The following NFATC3 variants were observed in gnomAD, a reference collection of about 807,000 sequenced individuals.
The protein encoded by NFATC3 is nuclear factor of activated T cells 3.
NFATC3 carries 46 observed loss-of-function variants against 98.6 expected under a neutral mutation model. The ratio of observed to expected loss-of-function variants is 0.47; its 90% CI spans 0.37 to 0.60. NFATC3 has a LOEUF of 0.60. Ranked by LOEUF, NFATC3 falls within the 20% of genes least tolerant of loss-of-function variation. The pLI is 0.00. For missense variants in NFATC3, 1,256 were observed against 1,295.5 expected, an observed-to-expected ratio of 0.97 and a Z score of 0.47; for synonymous variants, 512 against 472.2, an observed-to-expected ratio of 1.08 and a Z score of -1.09.
At chr16:68,108,468 T>G (rs919547103) in intron 1 of NFATC3, among the ~76,000 whole-genome samples, 1 of 152,228 alleles carries the variant, frequency 6.6e-6, no homozygotes, top group African/African-American at 2.4e-5. Flanking sequence ...CATGCTGTTT[T>G]GGTTACTGTA....
intron 5 of NFATC3, among the ~76,000 whole-genome samples, chr16:68,168,471 TTTATTA>T (rs141377197): frequency 0.013 from 1,922 of 147,996 alleles, 41 homozygotes; most frequent in African/African-American, 0.045. Context: ...CTTGTATTCT[TTTATTA>T]TTATTATTAT....
chr16:68,138,871 G>C (rs1294115252), intron 3 of NFATC3: 1 of 1,018,788 alleles, frequency 9.8e-7, no homozygotes, highest in Admixed American at 4.0e-5. Flanking sequence ...TCTAGAGCCA[G>C]ACTGTTTTGG....
At position 68,122,708 on chromosome 16, in the gene NFATC3, G is replaced by A. The variant is rs535126493; in HGVS notation, c.825G>A (p.Arg275=). The A allele has an allele frequency of 1.9e-6, 3 of 1,614,186 alleles. No individual in the cohort carries two copies. Among genetic ancestry groups the A allele is most frequent in the East Asian group, 2.2e-5 (1 of 44,880 alleles). ...CCACATCCCCCTGTGGGAAACGGAG[G>A]CACTCCAGTGCTGAAGTTTGTTATG... ...SRPTSPCGKR[R]HSSAEVCYAG... Residue 275 remains arginine, a synonymous_variant, in exon 2 of 10, where the codon AGG becomes AGA. Coordinates refer to ENST00000346183, the MANE Select transcript of NFATC3 (RefSeq NM_173165.3).
intron 3 of NFATC3, among the ~76,000 whole-genome samples, chr16:68,150,611 C>T (rs748462044): frequency 2.0e-5 from 3 of 151,776 alleles, no homozygotes; most frequent in South Asian, 2.1e-4. Context: ...ATTGACTACA[C>T]GTATAATTTT....
intron 1 of NFATC3, among the ~76,000 whole-genome samples, chr16:68,112,261 G>T (rs1044014542): frequency 2.1e-5 from 3 of 140,056 alleles, no homozygotes; most frequent in Non-Finnish European, 4.6e-5. Flanking sequence ...CCAGTTGTAG[G>T]TTCAGTCTTT....
chr16:68,136,094 GT>G (rs1333127138), intron 3 of NFATC3, among the ~76,000 whole-genome samples: 1 of 152,066 alleles, frequency 6.6e-6, no homozygotes, highest in Non-Finnish European at 1.5e-5. Context: ...AAGAAAAATA[GT>G]TTGAAAGAAT....
chr16:68,097,085 A>G (rs2035058144), intron 1 of NFATC3, among the ~76,000 whole-genome samples: 1 of 152,340 alleles, frequency 6.6e-6, no homozygotes, highest in Non-Finnish European at 1.5e-5. Context: ...GAAAGAAATC[A>G]ATAGGACCTG....
intron 1 of NFATC3, among the ~76,000 whole-genome samples, chr16:68,102,271 C>CTG (rs913949544): frequency 6.9e-6 from 1 of 145,964 alleles, no homozygotes; most frequent in Non-Finnish European, 1.5e-5. Context: ...ACTTGGGAGA[C>CTG]TGTGGCAGGA....
intron 1 of NFATC3, among the ~76,000 whole-genome samples, chr16:68,111,505 C>A (rs1178691081): frequency 1.3e-5 from 2 of 152,140 alleles, no homozygotes; most frequent in Non-Finnish European, 2.9e-5. Context: ...TTATTTTGAG[C>A]CTGTGCATGT....
chr16:68,226,130 C>T, intron 9 of NFATC3: 1 of 441,922 alleles, frequency 2.3e-6, no homozygotes, highest in Non-Finnish European at 3.9e-6. Context: ...CTTCCCAACC[C>T]AAAATGAACT....
intron 6 of NFATC3, among the ~76,000 whole-genome samples, chr16:68,175,988 C>CT (rs1324400853): frequency 4.0e-5 from 6 of 151,614 alleles, no homozygotes; most frequent in Non-Finnish European, 1.5e-5. Context: ...CCTTGCTTTT[C>CT]TTTTTTTTGA....
At chr16:68,141,746 C>T (rs1453816445) in intron 3 of NFATC3, among the ~76,000 whole-genome samples, 1 of 152,052 alleles carries the variant, frequency 6.6e-6, no homozygotes, top group Non-Finnish European at 1.5e-5. Flanking sequence ...AATATTTTCT[C>T]CCATTCTGTG....
intron 9 of NFATC3, chr16:68,201,122 G>A (rs910480713): frequency 1.4e-4 from 22 of 152,206 alleles, no homozygotes; most frequent in Admixed American, 9.8e-4. Context: ...AGTAGAGACA[G>A]GGTTTAGTCA....
At chr16:68,147,226 T>G (rs74327209) in intron 3 of NFATC3, among the ~76,000 whole-genome samples, 1,703 of 152,336 alleles carry the variant, frequency 0.011, 10 homozygotes, top group Middle Eastern at 0.024. Context: ...ATAGAGTACT[T>G]GCCAGTATGT....
intron 1 of NFATC3, among the ~76,000 whole-genome samples, chr16:68,090,345 A>G (rs2034645082): frequency 7.5e-6 from 1 of 133,906 alleles, no homozygotes; most frequent in Non-Finnish European, 1.6e-5. Flanking sequence ...ACACACGCAC[A>G]CACACACGAA....
At position 68,085,651 on chromosome 16, in the gene NFATC3, AG is replaced by A; in HGVS notation, c.-29del. 1 of 1,476,334 alleles carries A rather than the reference AG, an allele frequency of 6.8e-7. No homozygotes were observed. Among genetic ancestry groups the A allele is most frequent in the Non-Finnish European group, 9.0e-7 (1 of 1,113,092 alleles). The allele number at this position is 1,476,334 out of a possible 1,614,324, so 91.5% of individuals were successfully genotyped here. ...TTGCCGCTGCCGCCGCCGCCGCCTG[AG>A]GAGGAGCTGCAGCACCCTGGGCCAC... On this transcript the variant is annotated 5_prime_UTR_variant, in exon 1 of 10. Coordinates refer to ENST00000346183, the MANE Select transcript of NFATC3 (RefSeq NM_173165.3).
chr16:68,204,882 G>A (rs1019051938), intron 9 of NFATC3, among the ~76,000 whole-genome samples: 1 of 152,118 alleles, frequency 6.6e-6, no homozygotes, highest in Non-Finnish European at 1.5e-5. Context: ...TGGTTTGGTG[G>A]CAGTTTTCTG....
chr16:68,113,515 C>T (rs184298290), intron 1 of NFATC3, among the ~76,000 whole-genome samples: 31 of 152,342 alleles, frequency 2.0e-4, no homozygotes, highest in Non-Finnish European at 3.7e-4. Context: ...CTGGAACGCT[C>T]CTGTATCAGG....
At chr16:68,150,296 G>A (rs1294940841) in intron 3 of NFATC3, among the ~76,000 whole-genome samples, 2 of 151,772 alleles carry the variant, frequency 1.3e-5, no homozygotes, top group Admixed American at 1.3e-4. Context: ...ATACAATTAG[G>A]CCAGGCACAG....
Sources: gnomAD v4.1 joint callset for allele counts (sites outside exome capture counted in the v4.1 genomes callset) on GRCh38, gnomAD v4.1.1 for gene constraint, MANE v1.5 for transcripts, NCBI Gene and HGNC (gene_info 2026-07-23, HGNC 2026-07-21) for gene names.